Variants in TBX18 observed in about 807,000 individuals in gnomAD.
The protein encoded by TBX18 is T-box transcription factor TBX18.
In TBX18, 21 loss-of-function variants were observed where a neutral mutation model predicts 55.0. The ratio of observed to expected loss-of-function variants is 0.38; its 90% confidence interval spans 0.27 to 0.55. TBX18 has a LOEUF of 0.55. Ranked by LOEUF, TBX18 falls within the 20% of genes least tolerant of loss-of-function variation. The probability of loss-of-function intolerance (pLI) is 0.73; values close to 1 mark genes in which losing one functional copy is unlikely to be tolerated. For missense variants in TBX18, 840 were observed against 799.6 expected, an observed-to-expected ratio of 1.05 and a Z score of -0.61; for synonymous variants, 342 against 326.1, an observed-to-expected ratio of 1.05 and a Z score of -0.53.
At position 84,737,406 on chromosome 6, in the gene TBX18, T is replaced by C. The variant is rs144467216; in HGVS notation, c.1103A>G (p.Asn368Ser). 5.2e-4 allele frequency: 786 copies of C among 1,510,216 alleles called. No homozygotes were observed. Among genetic ancestry groups the C allele is most frequent in the Admixed American group, 7.5e-4 (33 of 43,910 alleles). The allele number at this position is 1,510,216 out of a possible 1,614,324, so 93.6% of individuals were successfully genotyped here. The change falls in exon 8 of 8, where the codon AAT becomes AGT. Residue 368 changes from asparagine (N) to serine (S), a missense_variant. Physicochemically the swap from Asn to Ser is conservative, Grantham distance 46. Coordinates refer to ENST00000369663, the MANE Select transcript of TBX18 (RefSeq NM_001080508.3). ...TTGGAGCAAGGTGGAGGAACTTGCA[T>C]TGCCTACAAAAGAAGTTGAAATGTA... Reference protein sequence around the residue: ...EDIPGIPKQGNASSSTLLQGT... With the variant: ...EDIPGIPKQGSASSSTLLQGT...
chr6:84,736,807 T>A lies in TBX18; in HGVS notation c.1702A>T (p.Met568Leu), dbSNP rs1766877126. 3 of 1,614,042 alleles carry A rather than the reference T, an allele frequency of 1.9e-6. No individual in the cohort carries two copies. Among genetic ancestry groups the A allele is most frequent in the Admixed American group, 1.7e-5 (1 of 59,984 alleles). The change falls in exon 8 of 8, where the codon ATG (methionine) becomes TTG (leucine). Residue 568 changes from methionine (M) to leucine (L), a missense_variant. Coordinates refer to ENST00000369663, the MANE Select transcript of TBX18 (RefSeq NM_001080508.3). ...SPSGTMTDRQ[M>L]LPPVEGVHLL... ...TGCACTCCTTCCACAGGGGGCAACA[T>A]CTGCCGATCCGTCATGGTCCCACTC... is the stretch of plus-strand genomic sequence containing the variant.
intron 4 of TBX18, 121 bp downstream of exon 4, chr6:84,756,577 T>C (rs1767493428): frequency 2.1e-6 from 2 of 954,054 alleles, no homozygotes; most frequent in Admixed American, 2.3e-5. Flanking sequence ...AAAGACAGTG[T>C]ACATACTAAT....
chr6:84,737,365 C>T lies in TBX18; in HGVS notation c.1144G>A (p.Val382Ile), dbSNP rs149008570. 3.6e-5 allele frequency: 56 copies of T among 1,550,390 alleles called. No homozygotes were observed. In the African/African-American group the frequency reaches 4.5e-4, roughly 13 times the overall value. ...STLLQGTGNGVPATHPHLLSG... is the reference protein window; with the variant it reads ...STLLQGTGNGIPATHPHLLSG... ...AAAAGGTGAGGGTGAGTGGCAGGAA[C>T]GCCATTCCCAGTACCTTGGAGCAAG... The change falls in exon 8 of 8, where the codon GTT becomes ATT. Residue 382 changes from valine to isoleucine, a missense_variant. Transcript: ENST00000369663.
chr6:84,763,952 G>T lies in TBX18; in HGVS notation c.230C>A (p.Pro77Gln). ...CGGCCCAGACGTCGCCCCAGCCGGC[G>T]GCGGGAGCGCAGCGCCTTCGTCTCC... ...SEGDEGAALP[P>Q]PAGATSGPAR... Residue 77 changes from proline to glutamine, a missense_variant, in exon 1 of 8, where the codon CCG becomes CAG. Coordinates refer to ENST00000369663, the MANE Select transcript of TBX18 (RefSeq NM_001080508.3). 1 of 1,579,376 alleles carries T rather than the reference G, an allele frequency of 6.3e-7. No individual in the cohort carries two copies. Among genetic ancestry groups the T allele is most frequent in the Non-Finnish European group, 8.6e-7 (1 of 1,168,780 alleles).
chr6:84,743,667 C>CT (rs1767105442), intron 6 of TBX18, among the ~76,000 whole-genome samples: 1 of 152,112 alleles, frequency 6.6e-6, no homozygotes, highest in Non-Finnish European at 1.5e-5. Flanking sequence ...AGGTGATCTG[C>CT]TTTTTGATAA....
In TBX18 at chr6:84,736,419, A is replaced by G. The variant is rs6928390; in HGVS notation, c.*266T>C. ...TCTGAGAACTTTGCTTAAACATACT[A>G]CACGCATGCCAATACTCCGTGCAAC... On this transcript the variant is annotated 3_prime_UTR_variant, in exon 8 of 8. Transcript: ENST00000369663. The G allele has an allele frequency of 0.046, 13,009 of 284,100 alleles. 1,550 individuals carry two copies. Among genetic ancestry groups the G allele is most frequent in the African/African-American group, 0.26 (11,860 of 46,074 alleles). The allele number at this position is 284,100 out of a possible 1,614,324, so 17.6% of individuals were successfully genotyped here. A position where few individuals can be genotyped will look rare whatever the true frequency, so the allele number is the denominator to read the frequency against.
chr6:84,744,388 T>G, intron 5 of TBX18, 63 bp from the exon 6 acceptor site: 1 of 1,454,400 alleles, frequency 6.9e-7, no homozygotes. Flanking sequence ...TTTACTTGGT[T>G]GCAAAACTAC....
In TBX18 at chr6:84,737,090, A is replaced by G; in HGVS notation, c.1419T>C (p.Thr473=). Residue 473 remains threonine, a synonymous_variant, in exon 8 of 8, where the codon ACT becomes ACC. Coordinates refer to ENST00000369663, the MANE Select transcript of TBX18 (RefSeq NM_001080508.3). ...GTGGGCAGCTGAAGGTGTCCCCATC[A>G]GTGCCACCCATGGACATGTTCACGG... is the stretch of plus-strand genomic sequence containing the variant. ...STSVNMSMGG[T]DGDTFSCPQT... is the part of the protein sequence containing the mutation. 1.2e-6 allele frequency: 2 copies of G among 1,614,208 alleles called. No individual in the cohort carries two copies. Among genetic ancestry groups the G allele is most frequent in the Non-Finnish European group, 1.7e-6 (2 of 1,180,036 alleles).
intron 6 of TBX18, among the ~76,000 whole-genome samples, chr6:84,739,013 A>C (rs920488005): frequency 4.6e-5 from 7 of 152,170 alleles, no homozygotes; most frequent in African/African-American, 1.7e-4. Context: ...CATTCCTAGA[A>C]AACCAGCTCT....
In TBX18 at chr6:84,764,223, T is replaced by G. The variant is rs1315445162; in HGVS notation, c.-42A>C. 40 of 1,198,480 alleles carry G rather than the reference T, an allele frequency of 3.3e-5. No individual in the cohort carries two copies. Among genetic ancestry groups the G allele is most frequent in the Non-Finnish European group, 4.2e-5 (39 of 937,196 alleles). The allele number at this position is 1,198,480 out of a possible 1,614,324, so 74.2% of individuals were successfully genotyped here. A position where few individuals can be genotyped will look rare whatever the true frequency, so the allele number is the denominator to read the frequency against. ...CCGCCCGCCCCTCTCTCATATACAC[T>G]CACGCGGGCACACGCGCGCTCTCGC... On this transcript the variant is annotated 5_prime_UTR_variant, in exon 1 of 8. Coordinates refer to ENST00000369663, the MANE Select transcript of TBX18 (RefSeq NM_001080508.3).
rs1767755899 is a variant in TBX18 at position 84,764,238 on chromosome 6, C to T, written c.-57G>A. 1 of 1,380,182 alleles carries T rather than the reference C, an allele frequency of 7.2e-7. No homozygotes were observed. Among genetic ancestry groups the T allele is most frequent in the Non-Finnish European group, 9.3e-7 (1 of 1,073,906 alleles). The allele number at this position is 1,380,182 out of a possible 1,614,324, so 85.5% of individuals were successfully genotyped here. A position where few individuals can be genotyped will look rare whatever the true frequency, so the allele number is the denominator to read the frequency against. On this transcript the variant is annotated 5_prime_UTR_variant, in exon 1 of 8. Transcript: ENST00000369663. The stretch of plus-strand genomic sequence containing the variant: ...TCATATACACTCACGCGGGCACACG[C>T]GCGCTCTCGCTCTTCCCCCACCAAA...
At chr6:84,754,304 T>C (rs1428988163) in intron 4 of TBX18, among the ~76,000 whole-genome samples, 3 of 152,222 alleles carry the variant, frequency 2.0e-5, no homozygotes, top group South Asian at 2.1e-4. Context: ...AAATGAATAA[T>C]GGAAAAGAGC....
At chr6:84,757,741 T>C (rs1242765826) in intron 3 of TBX18, among the ~76,000 whole-genome samples, 1 of 151,954 alleles carries the variant, frequency 6.6e-6, no homozygotes, top group Non-Finnish European at 1.5e-5. Flanking sequence ...GAAATATTAA[T>C]ATTTAACTAT....
chr6:84,754,919 T>C (rs1767446736), intron 4 of TBX18, among the ~76,000 whole-genome samples: 1 of 152,140 alleles, frequency 6.6e-6, no homozygotes, highest in Non-Finnish European at 1.5e-5. Flanking sequence ...CTTCCCTAGG[T>C]CTCCAGGTGG....
chr6:84,763,903 C>G lies in TBX18; in HGVS notation c.279G>C (p.Glu93Asp), dbSNP rs1384293276. ...GGGCCCACTCACCCGCGGCTCCGCG[C>G]TCCAGGTCTGCGCCACTCCGAGCCG... ...SGPARSGADL[E>D]RGAAGGCEDG... Residue 93 changes from glutamate to aspartate, a missense_variant, in exon 1 of 8, where the codon GAG becomes GAC. Glu to Asp is a conservative substitution (Grantham distance 45, BLOSUM62 2). Coordinates refer to ENST00000369663, the MANE Select transcript of TBX18 (RefSeq NM_001080508.3). The G allele has an allele frequency of 3.3e-5, 50 of 1,532,910 alleles. No individual in the cohort carries two copies. Among genetic ancestry groups the G allele is most frequent in the Non-Finnish European group, 4.0e-5 (46 of 1,148,942 alleles). The allele number at this position is 1,532,910 out of a possible 1,614,324, so 95.0% of individuals were successfully genotyped here.
At chr6:84,758,956 A>C (rs1447271135) in intron 3 of TBX18, among the ~76,000 whole-genome samples, 2 of 152,166 alleles carry the variant, frequency 1.3e-5, no homozygotes, top group Non-Finnish European at 2.9e-5. Context: ...TAAGTAAAAT[A>C]AACCAACCAA....
intron 6 of TBX18, among the ~76,000 whole-genome samples, chr6:84,739,312 ATACT>A (rs1487638202): frequency 6.6e-6 from 1 of 152,112 alleles, no homozygotes; most frequent in African/African-American, 2.4e-5. Flanking sequence ...TAATGAATGG[ATACT>A]TAAAGAGACA....
At chr6:84,760,178 C>T (rs1180448208) in intron 3 of TBX18, 77 bp downstream of exon 3, 2 of 851,582 alleles carry the variant, frequency 2.3e-6, no homozygotes, top group East Asian at 5.8e-5. Context: ...GATCACAGTC[C>T]TCACAGATCA....
chr6:84,754,481 T>G (rs1393106909), intron 4 of TBX18, among the ~76,000 whole-genome samples: 1 of 152,180 alleles, frequency 6.6e-6, no homozygotes, highest in Non-Finnish European at 1.5e-5. Flanking sequence ...TGCTACAACC[T>G]TAAAAGAAAA....
Sources: allele counts gnomAD v4.1 joint callset (sites outside exome capture counted in the v4.1 genomes callset), GRCh38; gene constraint gnomAD v4.1.1; transcripts MANE v1.5; gene names NCBI Gene and HGNC (gene_info 2026-07-23, HGNC 2026-07-21).